Variants in TOMM20L observed in about 807,000 individuals in gnomAD.
TOMM20L encodes translocase of outer mitochondrial membrane 20 like.
In TOMM20L, 19 loss-of-function variants were observed where a neutral mutation model predicts 20.4. The observed-to-expected ratio is 0.93, with a 90% confidence interval of 0.65 to 1.36. TOMM20L has a LOEUF of 1.36. TOMM20L is among the 40% of genes most tolerant of loss of function. The pLI is 0.00. For synonymous variants in TOMM20L, 75 were observed against 79.6 expected (o/e 0.94, Z 0.30); for missense variants, 218 against 203.7 (o/e 1.07, Z -0.43).
intron 3 of TOMM20L, among the ~76,000 whole-genome samples, chr14:58,406,969 C>T (rs981845644): frequency 2.6e-5 from 4 of 152,158 alleles, no homozygotes; most frequent in Non-Finnish European, 5.9e-5. Flanking sequence ...TTCAATCACA[C>T]ATGTAAAGAT....
intron 3 of TOMM20L, 69 bp from the exon 4 acceptor site, chr14:58,407,257 C>A (rs193079153): frequency 6.9e-7 from 1 of 1,457,276 alleles, no homozygotes; most frequent in African/African-American, 1.4e-5. Context: ...TTGTTGCTTT[C>A]TTGGATTTGT....
At chr14:58,399,902 A>ATG (rs1296451275) in intron 2 of TOMM20L, among the ~76,000 whole-genome samples, 1 of 129,776 alleles carries the variant, frequency 7.7e-6, no homozygotes, top group Non-Finnish European at 1.7e-5. Context: ...ATATATATAT[A>ATG]TATATATATA....
chr14:58,411,683 T>C (rs929459277), downstream of TOMM20L, among the ~76,000 whole-genome samples: 3 of 151,294 alleles, frequency 2.0e-5, no homozygotes, highest in Non-Finnish European at 4.4e-5. Flanking sequence ...GGACTAGAGG[T>C]GTGCGCCAGC....
intron 2 of TOMM20L, among the ~76,000 whole-genome samples, chr14:58,396,733 G>T (rs1934950005): frequency 6.6e-6 from 1 of 152,234 alleles, no homozygotes; most frequent in African/African-American, 2.4e-5. Flanking sequence ...TTGTAGCTCA[G>T]AAGCAGAAGG....
At chr14:58,409,055 T>A, downstream of TOMM20L, 1 of 1,613,734 alleles carries the variant, frequency 6.2e-7, no homozygotes, top group South Asian at 1.1e-5. Flanking sequence ...GGCCAAGGAG[T>A]CCTGCTTTGG....
At chr14:58,402,652 A>G in intron 2 of TOMM20L, 28 bp from the exon 3 acceptor site, 1 of 1,543,178 alleles carries the variant, frequency 6.5e-7, no homozygotes, top group Non-Finnish European at 9.0e-7. Context: ...TTCATTACTC[A>G]TTGTTGAATA....
chr14:58,411,841 A>G, downstream of TOMM20L: 2 of 1,462,532 alleles, frequency 1.4e-6, no homozygotes, highest in South Asian at 1.1e-5. Context: ...CCAGCCTGAC[A>G]TGGTGGCATT....
intron 4 of TOMM20L, 87 bp from the exon 5 acceptor site, chr14:58,408,442 A>T: frequency 8.5e-7 from 1 of 1,175,096 alleles, no homozygotes; most frequent in South Asian, 1.4e-5. Context: ...AGAAAAGTAT[A>T]TGTAATGCCC....
chr14:58,399,885 C>CAT (rs869260438), intron 2 of TOMM20L, among the ~76,000 whole-genome samples: 5,783 of 37,050 alleles, frequency 0.16, 619 homozygotes, highest in Non-Finnish European at 0.17. Context: ...TGCTCTATTG[C>CAT]ATATATATAT....
Position 58,395,996 on chromosome 14 carries a change from C to T in TOMM20L, c.39C>T (p.Ala13=), listed in dbSNP as rs2035909157. The T allele has an allele frequency of 4.1e-6, 6 of 1,453,352 alleles. No homozygotes were observed. In the East Asian group the frequency reaches 1.4e-4, roughly 34 times the overall value. The allele number at this position is 1,453,352 out of a possible 1,614,324, so 90.0% of individuals were successfully genotyped here. Residue 13 remains alanine (A), a synonymous_variant, in exon 1 of 5, where the codon GCC becomes GCT. Transcript: ENST00000360945. ...SVRSLLRLLA[A]AAACGAFAFL... ...GCTCCCTCCTCCGCCTCTTGGCCGC[C>T]GCGGCGGCCTGTGGCGCCTTCGCCT...
downstream of TOMM20L, among the ~76,000 whole-genome samples, chr14:58,413,352 T>C (rs2036282303): frequency 6.6e-6 from 1 of 152,234 alleles, no homozygotes. Context: ...ACAAAGGTTC[T>C]ATTAATAGTT....
intron 2 of TOMM20L, among the ~76,000 whole-genome samples, chr14:58,401,724 T>C (rs1220390587): frequency 6.6e-6 from 1 of 152,196 alleles, no homozygotes; most frequent in African/African-American, 2.4e-5. Context: ...CTTTGCACAG[T>C]GTACCTTGAA....
rs186608917 is a variant in TOMM20L at position 58,405,527 on chromosome 14, T to G, written c.263-1799T>G. Among the ~76,000 whole-genome samples the G allele has an allele frequency of 1.7e-3, 257 of 152,320 alleles. 3 individuals are homozygous for G. The highest frequency in any genetic ancestry group is 6.1e-3 in the African/African-American group (253 of 41,576). ...GTGAAATTATTTAATAGCTTTTTTA[T>G]TTTTTGGGGACAGTGTCTCACTCTG... On this transcript the variant is annotated intron_variant, in intron 3 of 4. Transcript: ENST00000360945.
intron 2 of TOMM20L, among the ~76,000 whole-genome samples, chr14:58,397,343 A>T (rs1352319627): frequency 6.6e-6 from 1 of 152,198 alleles, no homozygotes; most frequent in Non-Finnish European, 1.5e-5. Context: ...ACATGTGCCC[A>T]TGTGGAAGAG....
chr14:58,399,740 C>A (rs567593684), intron 2 of TOMM20L, among the ~76,000 whole-genome samples: 4 of 151,628 alleles, frequency 2.6e-5, no homozygotes, highest in East Asian at 3.9e-4. Flanking sequence ...TCATCTCCCC[C>A]ACCTTGCCAC....
the TOMM20L span, among the ~76,000 whole-genome samples, chr14:58,413,933 G>A: frequency 6.7e-6 from 1 of 149,416 alleles, no homozygotes; most frequent in African/African-American, 2.5e-5. Context: ...CGTGAACCCG[G>A]GAGGTGGAGC....
At position 58,396,056 on chromosome 14, in the gene TOMM20L, G is replaced by A. The variant is rs1262262990; in HGVS notation, c.99G>A (p.Arg33=). ...LGYCIYLNRK[R]RGDPAFKRRL... Reference sequence around the variant, plus strand: ...ATTGTATTTACCTCAACCGGAAGCGGCGCGGGGACCCCGCGTTCAAGCGCC... The same window carrying A: ...ATTGTATTTACCTCAACCGGAAGCGACGCGGGGACCCCGCGTTCAAGCGCC... Residue 33 remains arginine (R), a synonymous_variant, in exon 1 of 5, where the codon CGG becomes CGA. Transcript: ENST00000360945. 7.1e-7 allele frequency: 1 copy of A among 1,416,192 alleles called. No homozygotes were observed. The highest frequency in any genetic ancestry group is 9.3e-7 in the Non-Finnish European group (1 of 1,080,712). The allele number at this position is 1,416,192 out of a possible 1,614,324, so 87.7% of individuals were successfully genotyped here.
At chr14:58,409,809 A>C (rs1006822821), downstream of TOMM20L, among the ~76,000 whole-genome samples, 1 of 151,542 alleles carries the variant, frequency 6.6e-6, no homozygotes, top group South Asian at 2.1e-4. Flanking sequence ...TGATCTCCTG[A>C]CCTCGTGATC....
downstream of TOMM20L, among the ~76,000 whole-genome samples, chr14:58,413,003 T>G (rs1325230909): frequency 6.6e-6 from 1 of 152,168 alleles, no homozygotes; most frequent in African/African-American, 2.4e-5. Flanking sequence ...GTCACCAAAT[T>G]GCTTATTTTA....
Sources: gnomAD v4.1 joint callset for allele counts (sites outside exome capture counted in the v4.1 genomes callset) on GRCh38, gnomAD v4.1.1 for gene constraint, MANE v1.5 for transcripts, NCBI Gene and HGNC (gene_info 2026-07-23, HGNC 2026-07-21) for gene names.